Variants in LY86 observed in about 807,000 individuals in gnomAD.
LY86 encodes the protein lymphocyte antigen 86.
A neutral mutation model predicts 17.3 loss-of-function variants in LY86; 20 were observed. The ratio of observed to expected loss-of-function variants is 1.15; its 90% CI spans 0.81 to 1.68. The LOEUF is 1.68. Ranked by LOEUF, LY86 falls within the 40% of genes most tolerant of loss-of-function variation. The pLI, the probability that LY86 is intolerant of heterozygous loss-of-function variation, is 0.00. For synonymous variants in LY86, 74 were observed against 70.6 expected, an observed-to-expected ratio of 1.05 and a Z score of -0.24; for missense variants, 200 against 191.9, an observed-to-expected ratio of 1.04 and a Z score of -0.25.
chr6:6,606,875 A>C (rs1761176957), intron 1 of LY86, among the ~76,000 whole-genome samples: 1 of 152,260 alleles, frequency 6.6e-6, no homozygotes, highest in Non-Finnish European at 1.5e-5. Flanking sequence ...GGGCTCCCAC[A>C]GTGCAACGGC....
chr6:6,607,761 G>A lies in LY86; in HGVS notation c.137-17165G>A, dbSNP rs545135245. ...CAAAAAATACAAAAATTAGCTGGGC[G>A]TAGTGGCGGGTGCCTGTAATCCCAG... On this transcript the variant is annotated intron_variant, in intron 1 of 4. Coordinates refer to ENST00000230568, the MANE Select transcript of LY86 (RefSeq NM_004271.4). 3.5e-4 allele frequency among the ~76,000 whole-genome samples: 53 copies of A among 151,894 alleles called. 2 individuals are homozygous for A. Among genetic ancestry groups the A allele is most frequent in the South Asian group, 1.2e-3 (6 of 4,818 alleles).
chr6:6,604,525 T>G (rs965895650), intron 1 of LY86, among the ~76,000 whole-genome samples: 2 of 152,164 alleles, frequency 1.3e-5, no homozygotes, highest in African/African-American at 2.4e-5. Context: ...GGTCTAGAGC[T>G]ATGACTCAAA....
At chr6:6,617,630 C>T (rs540909079) in intron 1 of LY86, among the ~76,000 whole-genome samples, 113 of 152,278 alleles carry the variant, frequency 7.4e-4, no homozygotes, top group African/African-American at 2.7e-3. Context: ...CTTCCTATCA[C>T]AGGGTAATGA....
intron 1 of LY86, among the ~76,000 whole-genome samples, chr6:6,603,036 T>C (rs942776092): frequency 1.3e-5 from 2 of 152,122 alleles, no homozygotes; most frequent in African/African-American, 4.8e-5. Flanking sequence ...GACAAGAGGT[T>C]CAGTGTCTAG....
intron 1 of LY86, among the ~76,000 whole-genome samples, chr6:6,601,851 T>C (rs1047885645): frequency 1.8e-4 from 28 of 152,202 alleles, no homozygotes; most frequent in African/African-American, 5.8e-4. Flanking sequence ...CTGGGATGCC[T>C]GATTTCCTCA....
chr6:6,612,701 C>A (rs534160311), intron 1 of LY86, among the ~76,000 whole-genome samples: 122 of 152,158 alleles, frequency 8.0e-4, no homozygotes, highest in Non-Finnish European at 1.4e-3. Context: ...GCTGATTGGT[C>A]GCGTTTACAA....
chr6:6,611,615 G>A (rs557249705), intron 1 of LY86, among the ~76,000 whole-genome samples: 25 of 152,286 alleles, frequency 1.6e-4, no homozygotes, highest in Middle Eastern at 3.4e-3. Flanking sequence ...CCTGTCCACC[G>A]TGTGGCAGTT....
At chr6:6,590,786 G>A (rs1760502353) in intron 1 of LY86, among the ~76,000 whole-genome samples, 1 of 152,194 alleles carries the variant, frequency 6.6e-6, no homozygotes, top group African/African-American at 2.4e-5. Flanking sequence ...GGGGAGTGAT[G>A]AGGATGCAGT....
chr6:6,603,940 T>A (rs6597221), intron 1 of LY86, among the ~76,000 whole-genome samples: 17,408 of 152,144 alleles, frequency 0.11, 2,604 homozygotes, highest in African/African-American at 0.35. Context: ...CTTATCTAAC[T>A]CTGCCTAATC....
intron 3 of LY86, among the ~76,000 whole-genome samples, chr6:6,631,632 G>T (rs1008600991): frequency 1.3e-5 from 2 of 152,224 alleles, no homozygotes; most frequent in Admixed American, 6.5e-5. Flanking sequence ...CAGAAGCTCT[G>T]GGGTTGGGGC....
rs540840468 is a variant in LY86 at position 6,603,632 on chromosome 6, A to AACAC, written c.136+14782_136+14785dup. Among the ~76,000 whole-genome samples the AACAC allele has an allele frequency of 5.4e-3, 740 of 135,840 alleles. 3 individuals are homozygous for AACAC. Among genetic ancestry groups the AACAC allele is most frequent in the Middle Eastern group, 0.02 (5 of 250 alleles). 89.1% of individuals were successfully genotyped at this position (135,840 alleles called of 152,430 possible). A position where few individuals can be genotyped will look rare whatever the true frequency, so the allele number is the denominator to read the frequency against. On this transcript the variant is annotated intron_variant, in intron 1 of 4. Transcript: ENST00000230568. ...AAAAAAAACAAACAAAAAAAAACAAAACACACACACACACACACACACAGA... is the reference window on the plus strand; with the variant it reads ...AAAAAAAACAAACAAAAAAAAACAAAACACACACACACACACACACACACACAGA...
chr6:6,612,396 G>C (rs370113329), intron 1 of LY86, among the ~76,000 whole-genome samples: 1 of 152,178 alleles, frequency 6.6e-6, no homozygotes, highest in African/African-American at 2.4e-5. Context: ...TTTTCCCCCA[G>C]TGGGTACCTA....
chr6:6,619,412 C>G (rs35925700), intron 1 of LY86, among the ~76,000 whole-genome samples: 56 of 152,260 alleles, frequency 3.7e-4, no homozygotes, highest in African/African-American at 1.3e-3. Context: ...CCTAACACAC[C>G]CCCCCATTAT....
chr6:6,606,709 C>T (rs1425264034), intron 1 of LY86, among the ~76,000 whole-genome samples: 3 of 152,210 alleles, frequency 2.0e-5, no homozygotes, highest in Admixed American at 1.3e-4. Context: ...TGCGGGCGGA[C>T]CTGCAGCACT....
intron 3 of LY86, among the ~76,000 whole-genome samples, chr6:6,649,142 C>T (rs117070361): frequency 0.03 from 4,516 of 152,282 alleles, 400 homozygotes; most frequent in East Asian, 0.24. Flanking sequence ...ACATCTTATA[C>T]GGTGGCAGGC....
At position 6,622,722 on chromosome 6, in the gene LY86, G is replaced by A. The variant is rs949435177; in HGVS notation, c.137-2204G>A. The A allele has an allele frequency of 2.1e-5, 3 of 141,998 alleles. 1 individual carries two copies. The highest frequency in any genetic ancestry group is 7.1e-5 in the Admixed American group (1 of 14,144). 8.8% of individuals were successfully genotyped at this position (141,998 alleles called of 1,614,324 possible). A position where few individuals can be genotyped will look rare whatever the true frequency, so the allele number is the denominator to read the frequency against. On this transcript the variant is annotated intron_variant, in intron 1 of 4. Transcript: ENST00000230568. ...CATCTTCCAGGTCAGCAATGTGGAT[G>A]ATAAAACTGTCTGGAACACTACATT...
chr6:6,651,759 G>A (rs1762189835), intron 4 of LY86, among the ~76,000 whole-genome samples: 1 of 152,108 alleles, frequency 6.6e-6, no homozygotes, highest in African/African-American at 2.4e-5. Flanking sequence ...AAACCCCTTT[G>A]AAAGTAAGTT....
intron 3 of LY86, among the ~76,000 whole-genome samples, chr6:6,638,521 CA>C (rs2113153969): frequency 6.6e-6 from 1 of 152,288 alleles, no homozygotes; most frequent in East Asian, 1.9e-4. Context: ...CCAGTCCTAC[CA>C]GCCATATTTC....
chr6:6,625,245 T>A (rs1028571213), intron 2 of LY86, among the ~76,000 whole-genome samples: 5 of 152,166 alleles, frequency 3.3e-5, no homozygotes, highest in African/African-American at 1.2e-4. Context: ...CTCTAGGCAC[T>A]CATTTGGATG....
Sources: allele counts gnomAD v4.1 joint callset (sites outside exome capture counted in the v4.1 genomes callset), GRCh38; gene constraint gnomAD v4.1.1; transcripts MANE v1.5; gene names NCBI Gene and HGNC (gene_info 2026-07-23, HGNC 2026-07-21).